The following DLGAP4 variants were observed in gnomAD, a reference collection of about 807,000 sequenced individuals.
The protein encoded by DLGAP4 is DLG associated protein 4.
In DLGAP4, 18 loss-of-function variants were observed where a neutral mutation model predicts 86.9. The observed-to-expected ratio is 0.21, with a 90% CI of 0.14 to 0.31. DLGAP4 has a LOEUF of 0.31. DLGAP4 is among the 10% of genes least tolerant of loss of function. DLGAP4 has a pLI of 1.00. For missense variants in DLGAP4, 1,085 were observed against 1,362.6 expected, an observed-to-expected ratio of 0.80 and a Z score of 3.21; for synonymous variants, 548 against 574.3, an observed-to-expected ratio of 0.95 and a Z score of 0.65.
intron 2 of DLGAP4, among the ~76,000 whole-genome samples, chr20:36,418,390 G>T (rs2032726386): frequency 6.6e-6 from 1 of 152,218 alleles, no homozygotes; most frequent in Admixed American, 6.5e-5. Context: ...TGGGATTACA[G>T]GTGTGAGCCA....
chr20:36,450,672 T>G (rs1200573590), intron 7 of DLGAP4, among the ~76,000 whole-genome samples: 2 of 152,210 alleles, frequency 1.3e-5, no homozygotes, highest in Non-Finnish European at 2.9e-5. Context: ...GGATGTGGCT[T>G]CTGTCGAACA....
chr20:36,338,971 G>T (rs1459993284), intron 1 of DLGAP4, among the ~76,000 whole-genome samples: 1 of 152,252 alleles, frequency 6.6e-6, no homozygotes, highest in Non-Finnish European at 1.5e-5. Flanking sequence ...GCAAGAGCCA[G>T]AGGGAGGAGG....
At chr20:36,396,486 C>A (rs900724352) in intron 2 of DLGAP4, among the ~76,000 whole-genome samples, 2 of 133,030 alleles carry the variant, frequency 1.5e-5, no homozygotes, top group African/African-American at 5.7e-5. Context: ...TCACACACAC[C>A]ACACACATGC....
intron 2 of DLGAP4, among the ~76,000 whole-genome samples, chr20:36,392,760 G>A (rs2031824570): frequency 6.6e-6 from 1 of 152,216 alleles, no homozygotes. Context: ...CCAGGCTATT[G>A]TAACAGACGG....
chr20:36,503,479 CTT>C (rs982287997), intron 10 of DLGAP4, among the ~76,000 whole-genome samples: 4 of 109,900 alleles, frequency 3.6e-5, no homozygotes, highest in Middle Eastern at 4.2e-3. Flanking sequence ...CATATATGGC[CTT>C]TTTTTTTTTT....
intron 2 of DLGAP4, among the ~76,000 whole-genome samples, chr20:36,410,176 T>C (rs890180143): frequency 1.3e-5 from 2 of 152,234 alleles, no homozygotes; most frequent in African/African-American, 4.8e-5. Flanking sequence ...GGTAGCTGCA[T>C]ACTGTAGCAG....
At chr20:36,417,772 G>T (rs113143348) in intron 2 of DLGAP4, among the ~76,000 whole-genome samples, 4 of 28,294 alleles carry the variant, frequency 1.4e-4, no homozygotes, top group South Asian at 2.6e-3. Flanking sequence ...GGGTTTTTTT[G>T]GTTTTTTTTT....
Position 36,306,402 on chromosome 20 carries a change from C to T in DLGAP4, c.-414C>T. The stretch of plus-strand genomic sequence containing the variant: ...GCATGGGGCGCCCGCGGGCCGGAGC[C>T]GGGGCGGGGGCCGGGGCCTAGGCGC... On this transcript the variant is annotated 5_prime_UTR_variant, in exon 1 of 13. Coordinates refer to ENST00000339266, the MANE Select transcript of DLGAP4 (RefSeq NM_001365621.2). The surrounding 1 kb of genome is among the most constrained non-coding windows in gnomAD (Gnocchi z 4.9). 1 of 149,598 alleles carries T rather than the reference C, an allele frequency of 6.7e-6. No individual in the cohort carries two copies. Among genetic ancestry groups the T allele is most frequent in the South Asian group, 1.8e-4 (1 of 5,546 alleles). The allele number at this position is 149,598 out of a possible 1,614,324, so 9.3% of individuals were successfully genotyped here. A position where few individuals can be genotyped will look rare whatever the true frequency, so the allele number is the denominator to read the frequency against.
chr20:36,306,944 C>G lies in DLGAP4; in HGVS notation c.-304+432C>G, dbSNP rs2065008628. 1.3e-5 allele frequency among the ~76,000 whole-genome samples: 2 copies of G among 152,184 alleles called. No individual in the cohort carries two copies. The highest frequency in any genetic ancestry group is 2.4e-5 in the African/African-American group (1 of 41,468). On this transcript the variant is annotated intron_variant, in intron 1 of 12. Transcript: ENST00000339266. The surrounding 1 kb of genome is among the most constrained non-coding windows in gnomAD (Gnocchi z 4.9). ...GCCTGGGGGTCAGGCGGACCCCTCCCGTGCCCGGCCAACCTTGGCGCTTGG... is the reference window on the plus strand; with the variant it reads ...GCCTGGGGGTCAGGCGGACCCCTCCGGTGCCCGGCCAACCTTGGCGCTTGG...
chr20:36,396,720 T>A (rs529413458), intron 2 of DLGAP4, among the ~76,000 whole-genome samples: 124 of 137,282 alleles, frequency 9.0e-4, no homozygotes, highest in Non-Finnish European at 1.7e-3. Context: ...TCCTCTGGGG[T>A]GATTCCAGGG....
chr20:36,505,973 A>G (rs1197083633), intron 10 of DLGAP4, among the ~76,000 whole-genome samples: 2 of 152,196 alleles, frequency 1.3e-5, no homozygotes, highest in Non-Finnish European at 2.9e-5. Flanking sequence ...AGATCTTTGC[A>G]GTGCAAACCT....
intron 2 of DLGAP4, among the ~76,000 whole-genome samples, chr20:36,390,566 G>C (rs1171443448): frequency 6.6e-6 from 1 of 152,128 alleles, no homozygotes. Context: ...TAGCAATCCT[G>C]AGTGGGGGGG....
chr20:36,423,187 C>T (rs923768009), intron 2 of DLGAP4, among the ~76,000 whole-genome samples: 1 of 152,148 alleles, frequency 6.6e-6, no homozygotes, highest in Non-Finnish European at 1.5e-5. Flanking sequence ...AGGGGTCTGG[C>T]ATGGTGGCTC....
At chr20:36,353,996 G>C (rs1815721902) in intron 1 of DLGAP4, among the ~76,000 whole-genome samples, 1 of 152,252 alleles carries the variant, frequency 6.6e-6, no homozygotes, top group African/African-American at 2.4e-5. Context: ...AGCGCCTGCT[G>C]TTTCCCCAGC....
intron 1 of DLGAP4, among the ~76,000 whole-genome samples, chr20:36,339,152 G>A (rs1333340461): frequency 2.0e-5 from 3 of 152,154 alleles, no homozygotes; most frequent in Admixed American, 2.0e-4. Flanking sequence ...GCAGTGGTGC[G>A]ATCTCAGCTC....
chr20:36,525,554 TTC>T (rs1289079438), intron 11 of DLGAP4: 2 of 470,494 alleles, frequency 4.3e-6, no homozygotes, highest in Non-Finnish European at 7.8e-6. Flanking sequence ...GGCCAAGAAC[TTC>T]TGTTTCTTCC....
At chr20:36,473,057 T>C (rs2034742943) in intron 7 of DLGAP4, 1 of 152,228 alleles carries the variant, frequency 6.6e-6, no homozygotes, top group African/African-American at 2.4e-5. Flanking sequence ...GGTAGGCCTT[T>C]TAAACTCCCA....
chr20:36,475,724 T>C (rs2034881318), intron 7 of DLGAP4, among the ~76,000 whole-genome samples: 1 of 152,218 alleles, frequency 6.6e-6, no homozygotes, highest in South Asian at 2.1e-4. Context: ...TAAAAATGCT[T>C]AGTTTTAAAT....
intron 2 of DLGAP4, among the ~76,000 whole-genome samples, chr20:36,418,917 A>T (rs1486593736): frequency 6.6e-6 from 1 of 152,136 alleles, no homozygotes; most frequent in East Asian, 1.9e-4. Flanking sequence ...CATCAGGATT[A>T]TGGAGCTGTC....
Sources: allele counts gnomAD v4.1 joint callset (sites outside exome capture counted in the v4.1 genomes callset), GRCh38; gene constraint gnomAD v4.1.1; non-coding constraint Gnocchi (gnomAD v3.1); transcripts MANE v1.5; gene names NCBI Gene and HGNC (gene_info 2026-07-23, HGNC 2026-07-21).